SIM1: variants seen among roughly 807,000 people sequenced by gnomAD.
SIM1 encodes the protein SIM bHLH transcription factor 1.
SIM1 carries 18 observed loss-of-function variants against 78.2 expected under a neutral mutation model. The observed-to-expected ratio is 0.23, with a 90% CI of 0.16 to 0.34. The LOEUF is 0.34. Among genes scored for constraint, SIM1 ranks in the 10% least tolerant of loss-of-function variants. SIM1 has a pLI of 1.00. For synonymous variants in SIM1, 417 were observed against 385.2 expected (o/e 1.08, Z -0.97); for missense variants, 939 against 975.1 (o/e 0.96, Z 0.49).
At chr6:100,405,481 G>A (rs1771029844) in intron 10 of SIM1, among the ~76,000 whole-genome samples, 1 of 151,902 alleles carries the variant, frequency 6.6e-6, no homozygotes, top group Admixed American at 6.6e-5. Flanking sequence ...CAATTTTAAA[G>A]TATTTATTCA....
At chr6:100,453,653 T>C in intron 3 of SIM1, 109 bp downstream of exon 3, 1 of 708,472 alleles carries the variant, frequency 1.4e-6, no homozygotes, top group Admixed American at 2.9e-5. Flanking sequence ...GTGGGGGGGG[T>C]TGTTTGTTTT....
intron 1 of SIM1, 81 bp from the exon 2 acceptor site, chr6:100,464,016 G>A (rs368932502): frequency 6.6e-6 from 1 of 152,070 alleles, no homozygotes; most frequent in Non-Finnish European, 1.5e-5. Context: ...CCAAAAACAC[G>A]GCCGGAAAGG....
intron 10 of SIM1, among the ~76,000 whole-genome samples, chr6:100,405,564 C>A (rs1366354381): frequency 2.0e-5 from 3 of 151,838 alleles, no homozygotes; most frequent in Non-Finnish European, 4.4e-5. Context: ...GATTTTTTTA[C>A]CTTTTATCCA....
intron 10 of SIM1, among the ~76,000 whole-genome samples, chr6:100,406,088 C>T (rs3798508): frequency 0.16 from 24,750 of 152,180 alleles, 2,495 homozygotes; most frequent in Middle Eastern, 0.22. Context: ...ATGGCATCCA[C>T]GGCTGTAAAT....
At chr6:100,429,983 A>G (rs1771859529) in intron 9 of SIM1, among the ~76,000 whole-genome samples, 1 of 152,174 alleles carries the variant, frequency 6.6e-6, no homozygotes, top group South Asian at 2.1e-4. Context: ...TTCCTACCTT[A>G]TAGAATGATC....
intron 2 of SIM1, among the ~76,000 whole-genome samples, chr6:100,455,302 C>A (rs74333448): frequency 6.6e-6 from 1 of 152,278 alleles, no homozygotes; most frequent in Admixed American, 6.5e-5. Context: ...ACCTCTCTGG[C>A]TCCCGGTCAA....
At chr6:100,453,448 T>C (rs1463956939) in intron 3 of SIM1, among the ~76,000 whole-genome samples, 1 of 152,138 alleles carries the variant, frequency 6.6e-6, no homozygotes, top group Admixed American at 6.5e-5. Flanking sequence ...TCCAGTTCCC[T>C]CAGCCCAATG....
At chr6:100,464,561 C>G (rs1486106852) in intron 1 of SIM1, 53 bp downstream of exon 1, 3 of 152,172 alleles carry the variant, frequency 2.0e-5, no homozygotes, top group Admixed American at 2.0e-4. Flanking sequence ...CCCACACCAC[C>G]GCGGAGCTGC....
At chr6:100,458,126 C>A (rs1582327669) in intron 2 of SIM1, among the ~76,000 whole-genome samples, 1 of 151,614 alleles carries the variant, frequency 6.6e-6, no homozygotes, top group East Asian at 1.9e-4. Context: ...ATAGAGCCTG[C>A]GGGCCAACCT....
At chr6:100,412,433 A>G (rs2114489992) in intron 10 of SIM1, among the ~76,000 whole-genome samples, 1 of 151,562 alleles carries the variant, frequency 6.6e-6, no homozygotes, top group African/African-American at 2.4e-5. Context: ...GATACTAGGG[A>G]GACTGAGGCA....
chr6:100,430,787 G>A (rs187502597), intron 9 of SIM1, among the ~76,000 whole-genome samples: 1 of 152,244 alleles, frequency 6.6e-6, no homozygotes, highest in East Asian at 1.9e-4. Flanking sequence ...CACAGAAACA[G>A]CTTTCCTATC....
Position 100,420,767 on chromosome 6 carries a change from T to C in SIM1, c.1167+23A>G, listed in dbSNP as rs746276952. The C allele has an allele frequency of 3.7e-6, 6 of 1,612,880 alleles. No homozygotes were observed. The South Asian group carries it at 6.6e-5, about 18-fold the overall frequency. ...AACCATGTCGCCAAAAAAAAGAAAG[T>C]TGCAAAACAGCAATGCACTTACCTG... On this transcript the variant is annotated intron_variant, in intron 10 of 11. Transcript: ENST00000369208.
At chr6:100,447,915 G>T (rs1772403821) in intron 8 of SIM1, among the ~76,000 whole-genome samples, 1 of 152,246 alleles carries the variant, frequency 6.6e-6, no homozygotes, top group South Asian at 2.1e-4. Context: ...GGCGGGGGAC[G>T]TATTTCGCCC....
At position 100,387,109 on chromosome 6, in the gene SIM1, A is replaced by T. The variant is rs1054542297; in HGVS notation, c.*3252T>A. 6 of 152,196 alleles carry T rather than the reference A, an allele frequency of 3.9e-5. No homozygotes were observed. Among genetic ancestry groups the T allele is most frequent in the Admixed American group, 2.6e-4 (4 of 15,278 alleles). The allele number at this position is 152,196 out of a possible 1,614,324, so 9.4% of individuals were successfully genotyped here. A position where few individuals can be genotyped will look rare whatever the true frequency, so the allele number is the denominator to read the frequency against. ...CAATAAAGATACTTATTATCACTAG[A>T]AACCAGAATTCTACAAAACCATGAG... On this transcript the variant is annotated 3_prime_UTR_variant, in exon 12 of 12. Transcript: ENST00000369208.
At chr6:100,443,070 T>A (rs1772256665) in intron 9 of SIM1, among the ~76,000 whole-genome samples, 1 of 152,070 alleles carries the variant, frequency 6.6e-6, no homozygotes, top group South Asian at 2.1e-4. Context: ...CCCCCTTTTT[T>A]TTTCATTGAC....
rs1772724548 is a variant in SIM1, at chr6:100,458,018, CTCTCTCTCTCTCTCTCTCTCTCT to C, written c.176-4197_176-4175del. 1.9e-4 allele frequency among the ~76,000 whole-genome samples: 17 copies of C among 87,632 alleles called. No homozygotes were observed. The East Asian group carries it at 2.7e-3, about 14-fold the overall frequency. 57.5% of individuals were successfully genotyped at this position (87,632 alleles called of 152,430 possible). On this transcript the variant is annotated intron_variant, in intron 2 of 11. Transcript: ENST00000369208. Reference sequence around the variant, plus strand: ...TCTGTCTCTCTCTTTCTCTCTCTCTCTCTCTCTCTCTCTCTCTCTCTCTCTCTCTCTCTCTCTCTCTCTCTCTC... The same window carrying C: ...TCTGTCTCTCTCTTTCTCTCTCTCTCCTCTCTCTCTCTCTCTCTCTCTCTC...
chr6:100,434,810 T>C (rs940485394), intron 9 of SIM1, among the ~76,000 whole-genome samples: 1 of 152,274 alleles, frequency 6.6e-6, no homozygotes, highest in Non-Finnish European at 1.5e-5. Flanking sequence ...AGGCTATTTC[T>C]ACAATCTACC....
At chr6:100,404,706 T>C (rs1227726663) in intron 10 of SIM1, among the ~76,000 whole-genome samples, 3 of 152,224 alleles carry the variant, frequency 2.0e-5, no homozygotes, top group Non-Finnish European at 4.4e-5. Context: ...ACAGGAGTAC[T>C]GTTTACTATA....
At position 100,386,519 on chromosome 6, in the gene SIM1, A is replaced by C. The variant is rs1413199621; in HGVS notation, c.*3842T>G. On this transcript the variant is annotated 3_prime_UTR_variant, in exon 12 of 12. Coordinates refer to ENST00000369208, the MANE Select transcript of SIM1 (RefSeq NM_005068.3). ...GGCGGAAATCTTGTATTTCATTTTA[A>C]AATATATATGCATATTTTCCAAATG... 1 of 152,048 alleles carries C rather than the reference A, an allele frequency of 6.6e-6. No homozygotes were observed. The highest frequency in any genetic ancestry group is 1.5e-5 in the Non-Finnish European group (1 of 67,912). The allele number at this position is 152,048 out of a possible 1,614,324, so 9.4% of individuals were successfully genotyped here.
Sources: allele counts gnomAD v4.1 joint callset (sites outside exome capture counted in the v4.1 genomes callset), GRCh38; gene constraint gnomAD v4.1.1; transcripts MANE v1.5; gene names NCBI Gene and HGNC (gene_info 2026-07-23, HGNC 2026-07-21).